Variants in METTL16 observed in about 807,000 individuals in gnomAD.
The protein encoded by METTL16 is RNA N(6)-adenosine-methyltransferase METTL16.
METTL16 carries 19 observed loss-of-function variants against 57.9 expected under a neutral mutation model. The ratio of observed to expected loss-of-function variants is 0.33; its 90% confidence interval spans 0.23 to 0.48. The LOEUF (loss-of-function observed/expected upper bound fraction) is 0.48. METTL16 is among the 20% of genes least tolerant of loss of function. The probability of loss-of-function intolerance (pLI) is 0.99; values close to 1 mark genes in which losing one functional copy is unlikely to be tolerated. For synonymous variants in METTL16, 246 were observed against 255.6 expected, an observed-to-expected ratio of 0.96 and a Z score of 0.36; for missense variants, 434 against 691.5, an observed-to-expected ratio of 0.63 and a Z score of 4.18.
At chr17:2,509,911 C>CA (rs776727388) in intron 1 of METTL16, among the ~76,000 whole-genome samples, 1,774 of 105,312 alleles carry the variant, frequency 0.017, 39 homozygotes, top group African/African-American at 0.055. Flanking sequence ...CACTCCGTCT[C>CA]AAAAAAAAAA....
chr17:2,449,622 A>G (rs2067053565), intron 6 of METTL16, among the ~76,000 whole-genome samples: 1 of 152,252 alleles, frequency 6.6e-6, no homozygotes, highest in Non-Finnish European at 1.5e-5. Context: ...TGGTACTGGC[A>G]TAAGATAGAC....
chr17:2,507,424 G>C (rs1204972109), intron 1 of METTL16, among the ~76,000 whole-genome samples: 1 of 148,958 alleles, frequency 6.7e-6, no homozygotes, highest in Non-Finnish European at 1.5e-5. Flanking sequence ...GGGAGGTGAG[G>C]GGTGCCTCTG....
chr17:2,452,743 ATG>A (rs1035080210), intron 6 of METTL16, among the ~76,000 whole-genome samples: 2 of 152,152 alleles, frequency 1.3e-5, no homozygotes, highest in Non-Finnish European at 2.9e-5. Flanking sequence ...TTCTGTGTGT[ATG>A]TGTTTTTTCC....
At chr17:2,469,931 G>A (rs772346241) in intron 4 of METTL16, among the ~76,000 whole-genome samples, 17 of 152,104 alleles carry the variant, frequency 1.1e-4, no homozygotes, top group Non-Finnish European at 2.1e-4. Context: ...CATTATCTGC[G>A]CTAGTTATAT....
intron 8 of METTL16, among the ~76,000 whole-genome samples, chr17:2,428,996 C>T (rs1031321535): frequency 6.6e-6 from 1 of 151,650 alleles, no homozygotes; most frequent in African/African-American, 2.4e-5. Flanking sequence ...GTAGCTGGGA[C>T]TACAGGTATG....
At chr17:2,453,170 G>A (rs1597451414) in intron 6 of METTL16, among the ~76,000 whole-genome samples, 1 of 152,180 alleles carries the variant, frequency 6.6e-6, no homozygotes, top group East Asian at 1.9e-4. Flanking sequence ...GGAAACAAGT[G>A]TATTCATTTT....
intron 1 of METTL16, among the ~76,000 whole-genome samples, chr17:2,507,364 C>T (rs544349208): frequency 5.1e-4 from 75 of 147,806 alleles, no homozygotes; most frequent in African/African-American, 1.7e-3. Context: ...CCACCCCGTC[C>T]GGGAGGGAGG....
chr17:2,488,386 A>G (rs932904504), intron 2 of METTL16, among the ~76,000 whole-genome samples: 2 of 152,010 alleles, frequency 1.3e-5, no homozygotes, highest in African/African-American at 4.8e-5. Flanking sequence ...GTGAAACCCC[A>G]TCTCTACTAG....
At chr17:2,466,193 C>CAAAAAAAAAAAAAA (rs35300433) in intron 5 of METTL16, among the ~76,000 whole-genome samples, 1 of 103,900 alleles carries the variant, frequency 9.6e-6, no homozygotes. Flanking sequence ...GACTCTGTCA[C>CAAAAAAAAAAAAAA]AAAAAAAAAA....
intron 6 of METTL16, among the ~76,000 whole-genome samples, chr17:2,458,466 CT>C (rs2067126573): frequency 6.6e-6 from 1 of 151,116 alleles, no homozygotes; most frequent in Non-Finnish European, 1.5e-5. Flanking sequence ...AATCCCAGCA[CT>C]TTGTGAGGCC....
At chr17:2,422,687 A>G (rs1423991144) in intron 8 of METTL16, among the ~76,000 whole-genome samples, 1 of 151,924 alleles carries the variant, frequency 6.6e-6, no homozygotes, top group African/African-American at 2.4e-5. Context: ...TTCTTTCTTT[A>G]AAGTAGAAAC....
chr17:2,430,303 C>T (rs553895978), intron 8 of METTL16, among the ~76,000 whole-genome samples: 1 of 151,162 alleles, frequency 6.6e-6, no homozygotes, highest in African/African-American at 2.4e-5. Context: ...AGAGACAGCG[C>T]TGCTGTACCT....
chr17:2,475,744 T>C (rs769204471), intron 3 of METTL16, among the ~76,000 whole-genome samples: 4 of 152,214 alleles, frequency 2.6e-5, no homozygotes, highest in Admixed American at 6.5e-5. Context: ...TACATAATGG[T>C]AGAATTAGAG....
At chr17:2,436,364 G>A (rs1203409416) in intron 8 of METTL16, among the ~76,000 whole-genome samples, 3 of 152,146 alleles carry the variant, frequency 2.0e-5, no homozygotes, top group African/African-American at 7.2e-5. Context: ...AAATGGCACT[G>A]GGGAGTGTAA....
intron 1 of METTL16, among the ~76,000 whole-genome samples, chr17:2,507,360 C>T (rs1407849848): frequency 6.1e-5 from 9 of 147,934 alleles, no homozygotes; most frequent in South Asian, 2.1e-4. Flanking sequence ...CCAGCCACCC[C>T]GTCCGGGAGG....
chr17:2,456,768 CT>C (rs2067113926), intron 6 of METTL16, among the ~76,000 whole-genome samples: 1 of 152,040 alleles, frequency 6.6e-6, no homozygotes, highest in African/African-American at 2.4e-5. Flanking sequence ...CACACCCGGA[CT>C]GTCAAGCTAC....
intron 6 of METTL16, among the ~76,000 whole-genome samples, chr17:2,445,584 G>A (rs982134256): frequency 6.6e-6 from 1 of 152,046 alleles, no homozygotes; most frequent in African/African-American, 2.4e-5. Flanking sequence ...TCAGGAGTTT[G>A]AGACCAGCCT....
chr17:2,494,427 T>C (rs2067425439), intron 2 of METTL16, among the ~76,000 whole-genome samples: 1 of 152,138 alleles, frequency 6.6e-6, no homozygotes, highest in African/African-American at 2.4e-5. Context: ...CAATCTTACA[T>C]CTAGCAAGTG....
At chr17:2,492,566 A>G (rs1404235419) in intron 2 of METTL16, among the ~76,000 whole-genome samples, 1 of 152,034 alleles carries the variant, frequency 6.6e-6, no homozygotes, top group Non-Finnish European at 1.5e-5. Flanking sequence ...GAGAAGATTC[A>G]GTCTCAGTAA....
Sources: allele counts gnomAD v4.1 joint callset (sites outside exome capture counted in the v4.1 genomes callset), GRCh38; gene constraint gnomAD v4.1.1; transcripts MANE v1.5; gene names NCBI Gene and HGNC (gene_info 2026-07-23, HGNC 2026-07-21).